Variants in BFSP1 observed in about 807,000 individuals in gnomAD.
The protein encoded by BFSP1 is filensin.
In BFSP1, 38 loss-of-function variants were observed where a neutral mutation model predicts 43.9. The ratio of observed to expected loss-of-function variants is 0.87; its 90% CI spans 0.67 to 1.14. The LOEUF (loss-of-function observed/expected upper bound fraction) is 1.14, where lower values mean the gene tolerates loss of function less well. Ranked by LOEUF, BFSP1 falls within the 50% of genes most tolerant of loss-of-function variation. The pLI is 0.00. For missense variants in BFSP1, 850 were observed against 875.1 expected, an observed-to-expected ratio of 0.97 and a Z score of 0.36; for synonymous variants, 352 against 354.8, an observed-to-expected ratio of 0.99 and a Z score of 0.09.
intron 2 of BFSP1, among the ~76,000 whole-genome samples, chr20:17,523,228 T>C (rs73599751): frequency 0.017 from 2,553 of 152,304 alleles, 43 homozygotes; most frequent in African/African-American, 0.036. Context: ...GCTTGTTTTT[T>C]AAATTCACTG....
At chr20:17,514,935 G>T in intron 2 of BFSP1, 119 bp from the exon 3 acceptor site, 1 of 856,532 alleles carries the variant, frequency 1.2e-6, no homozygotes, top group Non-Finnish European at 1.9e-6. Context: ...CTCTGGTTCA[G>T]TAGGTCTGGG....
intron 1 of BFSP1, among the ~76,000 whole-genome samples, chr20:17,545,636 A>G (rs2034787398): frequency 2.0e-5 from 3 of 152,242 alleles, no homozygotes; most frequent in Admixed American, 2.0e-4. Context: ...CCATGGTCCT[A>G]AGGTGTTTAC....
In BFSP1 at chr20:17,494,820, C is replaced by T; in HGVS notation, c.1252G>A (p.Glu418Lys). The change falls in exon 8 of 8, where the codon GAA (glutamate) becomes AAA (lysine). Residue 418 changes from glutamate to lysine, a missense_variant. Glu to Lys is a moderately conservative substitution (Grantham distance 56). Transcript: ENST00000377873. ...CCTTCTTGTGTCAGGGGACTTACTT[C>T]TTTACTTTCTGATTCAAACTTAGAT... ...SESKFESESK[E>K]VSPLTQEGAP... The T allele has an allele frequency of 6.2e-7, 1 of 1,614,224 alleles. No individual in the cohort carries two copies.
chr20:17,505,039 G>A (rs1349341072), intron 5 of BFSP1, among the ~76,000 whole-genome samples: 1 of 151,716 alleles, frequency 6.6e-6, no homozygotes, highest in East Asian at 1.9e-4. Flanking sequence ...AGACATGGGC[G>A]GTTCCCACTT....
At chr20:17,565,791 C>T (rs541040654) in intron 1 of BFSP1, 1 of 152,282 alleles carries the variant, frequency 6.6e-6, no homozygotes, top group East Asian at 1.9e-4. Flanking sequence ...TAAAACTACA[C>T]TTGTGTCTTA....
At chr20:17,558,494 T>C (rs1248253962) in intron 1 of BFSP1, among the ~76,000 whole-genome samples, 3 of 152,248 alleles carry the variant, frequency 2.0e-5, no homozygotes, top group African/African-American at 7.2e-5. Context: ...CATGGTGCTT[T>C]AGTTGAGTGT....
chr20:17,502,662 T>C (rs1179241934), intron 5 of BFSP1, among the ~76,000 whole-genome samples: 2 of 152,224 alleles, frequency 1.3e-5, no homozygotes, highest in African/African-American at 2.4e-5. Flanking sequence ...TGTGCTGTTT[T>C]TGCAACTTTT....
intron 2 of BFSP1, among the ~76,000 whole-genome samples, chr20:17,521,739 G>A (rs560112727): frequency 6.6e-6 from 1 of 152,302 alleles, no homozygotes; most frequent in South Asian, 2.1e-4. Flanking sequence ...GCTTATCTGG[G>A]AGGTGATCCC....
chr20:17,536,287 A>G (rs189411227), upstream of BFSP1, among the ~76,000 whole-genome samples: 1,195 of 152,344 alleles, frequency 7.8e-3, 19 homozygotes, highest in African/African-American at 0.028. Context: ...GAAGTGGCTC[A>G]TACCTACAAT....
chr20:17,517,549 G>A (rs149755356), intron 2 of BFSP1, among the ~76,000 whole-genome samples: 1 of 152,136 alleles, frequency 6.6e-6, no homozygotes, highest in Non-Finnish European at 1.5e-5. Context: ...CTCCCAAAGT[G>A]CTGGGATTAC....
chr20:17,553,812 C>CATATATAT (rs1190143896), intron 1 of BFSP1, among the ~76,000 whole-genome samples: 33 of 103,158 alleles, frequency 3.2e-4, no homozygotes, highest in Non-Finnish European at 4.7e-4. Flanking sequence ...CACACACACA[C>CATATATAT]ACACACACAC....
rs746995142 is a variant in BFSP1 at position 17,498,952 on chromosome 20, C to T, written c.824G>A (p.Arg275His). The T allele has an allele frequency of 8.1e-6, 13 of 1,614,178 alleles. No individual in the cohort carries two copies. The Admixed American group carries it at 1.0e-4, about 12-fold the overall frequency. ...QLYNEQIETL[R>H]KEIEETERVL... ...CCGCTCTGTCTCCTCAATCTCCTTG[C>T]GCAGTGTCTCAATCTGCTCGTTATA... The change falls in exon 6 of 8, where the codon CGC (arginine) becomes CAC (histidine). Residue 275 changes from arginine (R) to histidine (H), a missense_variant. Coordinates refer to ENST00000377873, the MANE Select transcript of BFSP1 (RefSeq NM_001195.5).
At chr20:17,515,255 C>T (rs1480511124) in intron 2 of BFSP1, among the ~76,000 whole-genome samples, 1 of 152,108 alleles carries the variant, frequency 6.6e-6, no homozygotes, top group Admixed American at 6.5e-5. Context: ...CTAGAAAGAT[C>T]GGAGCGCTAG....
chr20:17,517,348 A>T, intron 2 of BFSP1: 1 of 984,774 alleles, frequency 1.0e-6, no homozygotes, highest in Non-Finnish European at 1.6e-6. Context: ...TAACAAACAA[A>T]ACAAAACAAA....
rs933061743 is a variant in BFSP1, at chr20:17,517,218, G to A, written c.439-2402C>T. On this transcript the variant is annotated intron_variant, in intron 2 of 7. Transcript: ENST00000377873. ...TCGAGAGTGCCCTTCTGATGAATGTGGTGCTGGAGTGTTTATGGCAAGCCA... is the reference window on the plus strand; with the variant it reads ...TCGAGAGTGCCCTTCTGATGAATGTAGTGCTGGAGTGTTTATGGCAAGCCA... 8 of 917,468 alleles carry A rather than the reference G, an allele frequency of 8.7e-6. No homozygotes were observed. The African/African-American group carries it at 1.1e-4, about 13-fold the overall frequency. 56.8% of individuals were successfully genotyped at this position (917,468 alleles called of 1,614,324 possible). A position where few individuals can be genotyped will look rare whatever the true frequency, so the allele number is the denominator to read the frequency against.
At chr20:17,547,348 C>G (rs965901610) in intron 1 of BFSP1, among the ~76,000 whole-genome samples, 6 of 152,080 alleles carry the variant, frequency 3.9e-5, no homozygotes, top group African/African-American at 1.4e-4. Flanking sequence ...TCCTGCTGAA[C>G]AGGGTTGTCA....
intron 1 of BFSP1, among the ~76,000 whole-genome samples, chr20:17,528,108 A>AT: frequency 6.6e-6 from 1 of 152,206 alleles, no homozygotes; most frequent in Non-Finnish European, 1.5e-5. Context: ...CACCTCTGGA[A>AT]TGTAAACTCC....
intron 1 of BFSP1, among the ~76,000 whole-genome samples, chr20:17,553,872 C>CACAT (rs1568718237): frequency 3.2e-5 from 2 of 63,020 alleles, no homozygotes; most frequent in Non-Finnish European, 7.0e-5. Context: ...CATATATATA[C>CACAT]ATATATATAT....
Position 17,531,270 on chromosome 20 carries a change from C to G in BFSP1, c.60G>C (p.Glu20Asp). 2.7e-6 allele frequency: 4 copies of G among 1,456,404 alleles called. No homozygotes were observed. The highest frequency in any genetic ancestry group is 3.6e-6 in the Non-Finnish European group (4 of 1,106,608). The allele number at this position is 1,456,404 out of a possible 1,614,324, so 90.2% of individuals were successfully genotyped here. A position where few individuals can be genotyped will look rare whatever the true frequency, so the allele number is the denominator to read the frequency against. Residue 20 changes from glutamate to aspartate, a missense_variant, in exon 1 of 8, where the codon GAG becomes GAC. Physicochemically the swap from Glu to Asp is conservative, Grantham distance 45. Transcript: ENST00000377873. ...GCTCGGGCTCGGCGGCGCGCGAAGC[C>G]TCGTCGGCGTGCTCGTACTGCTCCT... ...TRKEQYEHAD[E>D]ASRAAEPERP...
Sources: gnomAD v4.1 joint callset for allele counts (sites outside exome capture counted in the v4.1 genomes callset) on GRCh38, gnomAD v4.1.1 for gene constraint, MANE v1.5 for transcripts, NCBI Gene and HGNC (gene_info 2026-07-23, HGNC 2026-07-21) for gene names.